Variants in ARHGEF10 observed in about 807,000 individuals in gnomAD.
ARHGEF10 encodes Rho guanine nucleotide exchange factor 10, also known as Rho guanine nucleotide exchange factor (GEF) 10.
A neutral mutation model predicts 147.4 loss-of-function variants in ARHGEF10; 140 were observed. That is an observed-to-expected ratio of 0.95 (90% CI 0.83 to 1.09). The LOEUF is 1.09. Ranked by LOEUF, ARHGEF10 falls within the 50% of genes least tolerant of loss-of-function variation. The pLI is 0.00. For synonymous variants in ARHGEF10, 902 were observed against 695.8 expected (o/e 1.30, Z -4.67); for missense variants, 2,222 against 1,752.7 (o/e 1.27, Z -4.78).
chr8:1,917,847 T>G (rs1165372058), intron 18 of ARHGEF10, among the ~76,000 whole-genome samples: 1 of 152,112 alleles, frequency 6.6e-6, no homozygotes, highest in Admixed American at 6.5e-5. Flanking sequence ...TGATCTTGGC[T>G]CACTGCAACC....
intron 10 of ARHGEF10, among the ~76,000 whole-genome samples, chr8:1,883,022 G>T (rs536475688): frequency 6.6e-6 from 1 of 152,324 alleles, no homozygotes; most frequent in South Asian, 2.1e-4. Flanking sequence ...CTGTGCAGGG[G>T]CCTCTGTCAC....
At chr8:1,904,617 C>T (rs552648587) in intron 16 of ARHGEF10, among the ~76,000 whole-genome samples, 5 of 152,234 alleles carry the variant, frequency 3.3e-5, no homozygotes, top group Non-Finnish European at 5.9e-5. Flanking sequence ...ACATGGGGCA[C>T]GGAGCAAGCC....
At chr8:1,954,139 G>A (rs1286821337) in intron 28 of ARHGEF10, among the ~76,000 whole-genome samples, 1 of 152,058 alleles carries the variant, frequency 6.6e-6, no homozygotes, top group Non-Finnish European at 1.5e-5. Context: ...TGGCACCCAG[G>A]ACGGAGTCCA....
intron 2 of ARHGEF10, among the ~76,000 whole-genome samples, chr8:1,850,144 T>G (rs76200904): frequency 9.6e-5 from 2 of 20,872 alleles, no homozygotes; most frequent in Admixed American, 6.2e-4. Context: ...CTGAGGAGGG[T>G]GTGGGGCGGC....
At chr8:1,901,717 G>T (rs1234165875) in intron 15 of ARHGEF10, among the ~76,000 whole-genome samples, 1 of 152,182 alleles carries the variant, frequency 6.6e-6, no homozygotes, top group African/African-American at 2.4e-5. Flanking sequence ...CGCACGCCTA[G>T]TCCCCGGTGC....
chr8:1,833,081 GA>G (rs1563149586), intron 1 of ARHGEF10, among the ~76,000 whole-genome samples: 2 of 67,426 alleles, frequency 3.0e-5, no homozygotes, highest in African/African-American at 1.2e-4. Context: ...GAGGCAGAGA[GA>G]CAGAGACAGA....
At chr8:1,884,863 C>A (rs771213281) in intron 10 of ARHGEF10, among the ~76,000 whole-genome samples, 16 of 152,196 alleles carry the variant, frequency 1.1e-4, no homozygotes, top group Non-Finnish European at 1.9e-4. Context: ...CTCCTGGGTT[C>A]AGGCGATCCT....
intron 2 of ARHGEF10, among the ~76,000 whole-genome samples, chr8:1,857,043 G>A (rs1464343913): frequency 2.0e-5 from 3 of 152,130 alleles, no homozygotes; most frequent in Non-Finnish European, 4.4e-5. Context: ...CCGTAACCCC[G>A]GTCCAAGGAG....
At chr8:1,903,644 C>T (rs1257547646) in intron 16 of ARHGEF10, 193 bp downstream of exon 16, 1 of 662,356 alleles carries the variant, frequency 1.5e-6, no homozygotes, top group African/African-American at 1.8e-5. Context: ...ACCTTAACAG[C>T]CTGTCTTAAC....
At chr8:1,872,887 C>T (rs1047674840) in intron 7 of ARHGEF10, among the ~76,000 whole-genome samples, 5 of 152,192 alleles carry the variant, frequency 3.3e-5, no homozygotes, top group South Asian at 2.1e-4. Flanking sequence ...ATCAGGAAAA[C>T]TCCTAGGTGC....
intron 6 of ARHGEF10, among the ~76,000 whole-genome samples, chr8:1,867,685 T>C (rs1806742913): frequency 6.6e-6 from 1 of 152,244 alleles, no homozygotes; most frequent in Non-Finnish European, 1.5e-5. Context: ...GAAAGATTTT[T>C]AGCTAGATTT....
chr8:1,866,626 C>G, intron 6 of ARHGEF10, 24 bp downstream of exon 6: 1 of 1,599,706 alleles, frequency 6.3e-7, no homozygotes, highest in Non-Finnish European at 8.5e-7. Flanking sequence ...CTGCCCACAG[C>G]CAGAATCCTC....
intron 7 of ARHGEF10, among the ~76,000 whole-genome samples, chr8:1,874,126 C>T (rs1807432985): frequency 6.6e-6 from 1 of 152,184 alleles, no homozygotes; most frequent in Middle Eastern, 3.2e-3. Flanking sequence ...ATCTGCCAGC[C>T]CAGGCATTCA....
At chr8:1,823,801 G>A (rs1194070906), upstream of ARHGEF10, among the ~76,000 whole-genome samples, 1 of 151,862 alleles carries the variant, frequency 6.6e-6, no homozygotes, top group Non-Finnish European at 1.5e-5. Flanking sequence ...TGGCCTCGAA[G>A]GAATGCGCGG....
intron 11 of ARHGEF10, among the ~76,000 whole-genome samples, chr8:1,889,421 G>A (rs1309531437): frequency 1.1e-4 from 8 of 75,122 alleles, no homozygotes; most frequent in East Asian, 5.4e-4. Context: ...GACACTGAGT[G>A]GGGTGAGGGG....
Position 1,948,102 on chromosome 8 carries a change from C to T in ARHGEF10, c.3397+2447C>T, listed in dbSNP as rs1049730548. Among the ~76,000 whole-genome samples the T allele has an allele frequency of 3.8e-4, 58 of 152,046 alleles. No individual in the cohort carries two copies. Among genetic ancestry groups the T allele is most frequent in the African/African-American group, 1.3e-3 (53 of 41,398 alleles). On this transcript the variant is annotated intron_variant, in intron 27 of 28. Transcript: ENST00000349830. The surrounding 1 kb of genome is among the most constrained non-coding windows in gnomAD (Gnocchi z 4.9). The stretch of plus-strand genomic sequence containing the variant: ...TTTTCACCCTTCAGCTCATAGTTTC[C>T]AGGCGGCCGATGATGGATCCATCCC...
Position 1,898,588 on chromosome 8 carries a change from A to G in ARHGEF10, c.1650+63A>G, listed in dbSNP as rs143463393. ...TGGCTCGCCCATGACTCATTTGAAA[A>G]TGGCGTCTGTTCCTCCACTTTGGAA... On this transcript the variant is annotated intron_variant, in intron 15 of 28. Coordinates refer to ENST00000349830, the MANE Select transcript of ARHGEF10 (RefSeq NM_014629.4). 2.5e-5 allele frequency: 38 copies of G among 1,517,234 alleles called. No individual in the cohort carries two copies. The Middle Eastern group carries it at 1.0e-3, about 41-fold the overall frequency. The allele number at this position is 1,517,234 out of a possible 1,614,324, so 94.0% of individuals were successfully genotyped here.
intron 7 of ARHGEF10, among the ~76,000 whole-genome samples, chr8:1,874,367 T>C (rs1333627859): frequency 6.6e-6 from 1 of 152,160 alleles, no homozygotes; most frequent in African/African-American, 2.4e-5. Flanking sequence ...TTGAGAGAGC[T>C]GGATTGATTG....
At chr8:1,874,277 C>G (rs67957512) in intron 7 of ARHGEF10, among the ~76,000 whole-genome samples, 11,567 of 152,202 alleles carry the variant, frequency 0.076, 676 homozygotes, top group East Asian at 0.29. Flanking sequence ...ATCTGAATAG[C>G]CTGAGTTCTA....
Sources: gnomAD v4.1 joint callset for allele counts (sites outside exome capture counted in the v4.1 genomes callset) on GRCh38, gnomAD v4.1.1 for gene constraint, Gnocchi (gnomAD v3.1) non-coding constraint, MANE v1.5 for transcripts, NCBI Gene and HGNC (gene_info 2026-07-23, HGNC 2026-07-21) for gene names.